The following PTPRD variants were observed in gnomAD, a reference collection of about 807,000 sequenced individuals.
PTPRD encodes the protein receptor-type tyrosine-protein phosphatase delta.
PTPRD carries 34 observed loss-of-function variants against 214.5 expected under a neutral mutation model. That is an observed-to-expected ratio of 0.16 (90% CI 0.12 to 0.21). PTPRD has a LOEUF of 0.21. Among genes scored for constraint, PTPRD ranks in the 10% least tolerant of loss-of-function variants. PTPRD has a pLI of 1.00. For synonymous variants in PTPRD, 1,128 were observed against 845.7 expected (o/e 1.33, Z -5.79); for missense variants, 2,545 against 2,398.7 (o/e 1.06, Z -1.27).
At chr9:8,937,027 G>C (rs1335423133) in intron 11 of PTPRD, among the ~76,000 whole-genome samples, 1 of 152,124 alleles carries the variant, frequency 6.6e-6, no homozygotes, top group Middle Eastern at 3.2e-3. Flanking sequence ...AGATGTTACA[G>C]ACATTACCAC....
chr9:8,528,928 A>G (rs1221427217), intron 14 of PTPRD, 149 bp from the exon 15 acceptor site: 4 of 720,056 alleles, frequency 5.6e-6, no homozygotes, highest in Non-Finnish European at 9.1e-6. Flanking sequence ...CACAGTCACA[A>G]TGCTGCTACT....
intron 4 of PTPRD, among the ~76,000 whole-genome samples, chr9:10,024,289 C>G (rs1227901028): frequency 6.6e-6 from 1 of 152,032 alleles, no homozygotes. Flanking sequence ...CTTATAAATT[C>G]TAGCTGCTTC....
chr9:8,753,964 G>C (rs146955095), intron 11 of PTPRD, among the ~76,000 whole-genome samples: 2 of 152,140 alleles, frequency 1.3e-5, no homozygotes, highest in African/African-American at 4.8e-5. Flanking sequence ...AGCCAACGTG[G>C]AGAAACCCGG....
intron 9 of PTPRD, among the ~76,000 whole-genome samples, chr9:9,192,061 G>C (rs1035743663): frequency 3.3e-5 from 5 of 151,998 alleles, no homozygotes; most frequent in Non-Finnish European, 7.4e-5. Flanking sequence ...AAGGAGTGCA[G>C]GGACAGTGTG....
At chr9:10,228,006 G>A (rs971853303) in intron 3 of PTPRD, among the ~76,000 whole-genome samples, 4 of 151,916 alleles carry the variant, frequency 2.6e-5, no homozygotes, top group African/African-American at 4.8e-5. Context: ...AAAGGCTAAA[G>A]TAAAAATTCT....
At chr9:8,633,494 TAC>T (rs1156520165) in intron 13 of PTPRD, 36 bp from the exon 14 acceptor site, 6 of 1,604,348 alleles carry the variant, frequency 3.7e-6, no homozygotes, top group Non-Finnish European at 4.3e-6. Flanking sequence ...CAGGTGTTGT[TAC>T]AATTGTCTAC....
chr9:9,261,345 C>A (rs1025359078), intron 9 of PTPRD, among the ~76,000 whole-genome samples: 1 of 151,864 alleles, frequency 6.6e-6, no homozygotes, highest in Non-Finnish European at 1.5e-5. Context: ...GATCTAATTT[C>A]TTTTATTCCG....
At chr9:9,176,484 A>G (rs2131224876) in intron 10 of PTPRD, among the ~76,000 whole-genome samples, 1 of 152,260 alleles carries the variant, frequency 6.6e-6, no homozygotes, top group Middle Eastern at 3.4e-3. Flanking sequence ...CTAAACTAAG[A>G]TGAGAGATAT....
rs117427165 is a variant in PTPRD, at chr9:9,458,886, T to C, written c.-236-61404A>G. 8.1e-3 allele frequency among the ~76,000 whole-genome samples: 1,237 copies of C among 152,012 alleles called. 7 individuals are homozygous for C. Among genetic ancestry groups the C allele is most frequent in the Non-Finnish European group, 0.013 (890 of 67,964 alleles). On this transcript the variant is annotated intron_variant, in intron 8 of 45. Transcript: ENST00000381196. The stretch of plus-strand genomic sequence containing the variant: ...GCTTGGGAGGGAGAAGCTGCAGTGA[T>C]GTAAGATTGCACCACCGCAATCCAG...
chr9:9,924,342 A>G (rs1040009024), intron 5 of PTPRD, among the ~76,000 whole-genome samples: 8 of 152,080 alleles, frequency 5.3e-5, no homozygotes, highest in African/African-American at 1.4e-4. Flanking sequence ...TGCTTTCTCT[A>G]TTGAACAGGA....
At chr9:9,199,640 T>C (rs1276140274) in intron 9 of PTPRD, among the ~76,000 whole-genome samples, 1 of 152,146 alleles carries the variant, frequency 6.6e-6, no homozygotes, top group Non-Finnish European at 1.5e-5. Flanking sequence ...TGAATATAAA[T>C]AGGTTAAATA....
At chr9:8,867,957 G>T (rs2098227815) in intron 11 of PTPRD, among the ~76,000 whole-genome samples, 1 of 151,986 alleles carries the variant, frequency 6.6e-6, no homozygotes. Flanking sequence ...ACTTTATAGG[G>T]CACAAGCACA....
At chr9:8,570,319 C>T (rs1024664988) in intron 14 of PTPRD, among the ~76,000 whole-genome samples, 5 of 152,084 alleles carry the variant, frequency 3.3e-5, no homozygotes, top group African/African-American at 9.7e-5. Context: ...ACAAGATGTG[C>T]TCAAAACTAA....
intron 11 of PTPRD, among the ~76,000 whole-genome samples, chr9:8,808,477 T>A (rs2096733274): frequency 6.7e-6 from 1 of 149,376 alleles, no homozygotes; most frequent in South Asian, 2.1e-4. Context: ...TTTTTTTTTT[T>A]TTTTTTTTGG....
chr9:10,575,725 C>A (rs2069066371), intron 2 of PTPRD, among the ~76,000 whole-genome samples: 1 of 151,984 alleles, frequency 6.6e-6, no homozygotes, highest in Non-Finnish European at 1.5e-5. Flanking sequence ...GGTAGCATTG[C>A]TTGATGTATT....
At chr9:10,218,296 G>A (rs1324323569) in intron 3 of PTPRD, among the ~76,000 whole-genome samples, 2 of 151,856 alleles carry the variant, frequency 1.3e-5, no homozygotes, top group African/African-American at 4.8e-5. Context: ...AGTTTTCTCT[G>A]TATCTATCTC....
rs139935463 is a variant in PTPRD, at chr9:9,393,131, A to G, written c.-203+4318T>C. ...ACCCTTCTATGTGTCCACGAACCTAATCTTTCCTGGCCATGTGACAAGAAC... is the reference window on the plus strand; with the variant it reads ...ACCCTTCTATGTGTCCACGAACCTAGTCTTTCCTGGCCATGTGACAAGAAC... On this transcript the variant is annotated intron_variant, in intron 9 of 45. Coordinates refer to ENST00000381196, the MANE Select transcript of PTPRD (RefSeq NM_002839.4). Among the ~76,000 whole-genome samples, 278 of 152,242 alleles carry G rather than the reference A, an allele frequency of 1.8e-3. 3 individuals carry two copies. The highest frequency in any genetic ancestry group is 6.5e-3 in the African/African-American group (269 of 41,550).
intron 10 of PTPRD, among the ~76,000 whole-genome samples, chr9:9,058,864 T>C (rs2099701930): frequency 6.6e-6 from 1 of 152,114 alleles, no homozygotes; most frequent in Admixed American, 6.6e-5. Context: ...TAAGGTAATG[T>C]AATTCCTCTG....
At chr9:10,156,348 G>A (rs1445484874) in intron 3 of PTPRD, among the ~76,000 whole-genome samples, 1 of 151,972 alleles carries the variant, frequency 6.6e-6, no homozygotes, top group East Asian at 1.9e-4. Flanking sequence ...TTTCTCTCAT[G>A]AGTTTCAAAG....
Sources: gnomAD v4.1 joint callset for allele counts (sites outside exome capture counted in the v4.1 genomes callset) on GRCh38, gnomAD v4.1.1 for gene constraint, MANE v1.5 for transcripts, NCBI Gene and HGNC (gene_info 2026-07-23, HGNC 2026-07-21) for gene names.